The following MYT1L variants were observed in gnomAD, a reference collection of about 807,000 sequenced individuals.
MYT1L encodes the protein myelin transcription factor 1-like protein.
In MYT1L, 12 loss-of-function variants were observed where a neutral mutation model predicts 126.7. The observed-to-expected ratio is 0.09, with a 90% CI of 0.06 to 0.15. MYT1L has a LOEUF of 0.15. Ranked by LOEUF, MYT1L falls within the 10% of genes least tolerant of loss-of-function variation. The pLI is 1.00. For synonymous variants in MYT1L, 541 were observed against 604.2 expected (o/e 0.90, Z 1.53); for missense variants, 979 against 1,585.2 (o/e 0.62, Z 6.49).
intron 2 of MYT1L, among the ~76,000 whole-genome samples, chr2:2,187,600 G>T (rs2092304538): frequency 6.6e-6 from 1 of 151,832 alleles, no homozygotes; most frequent in East Asian, 2.0e-4. Context: ...ACACTCCAGG[G>T]AATTAAAAAA....
In MYT1L at chr2:2,073,340, C is replaced by A. The variant is rs17039299; in HGVS notation, c.-303-19217G>T. Among the ~76,000 whole-genome samples, 953 of 151,936 alleles carry A rather than the reference C, an allele frequency of 6.3e-3. 11 individuals are homozygous for A. The highest frequency in any genetic ancestry group is 0.022 in the African/African-American group (907 of 41,404). On this transcript the variant is annotated intron_variant, in intron 3 of 24. Transcript: ENST00000647738. ...CTCTCACTAGAAGAAGAAGGGCCAC[C>A]TAATTGCTCCCCAGCCTGCTGTATC... is the stretch of plus-strand genomic sequence containing the variant.
chr2:1,898,118 T>C (rs1422903592), intron 14 of MYT1L, among the ~76,000 whole-genome samples: 2 of 152,236 alleles, frequency 1.3e-5, no homozygotes, highest in Non-Finnish European at 2.9e-5. Context: ...TAAATGTACA[T>C]GCCTTGTTCT....
At chr2:2,114,708 G>A (rs1395652721) in intron 3 of MYT1L, among the ~76,000 whole-genome samples, 3 of 152,226 alleles carry the variant, frequency 2.0e-5, no homozygotes, top group Non-Finnish European at 4.4e-5. Flanking sequence ...ATGAGTGGAT[G>A]AATGAATCAA....
intron 4 of MYT1L, among the ~76,000 whole-genome samples, chr2:2,029,000 A>C: frequency 6.6e-6 from 1 of 152,150 alleles, no homozygotes; most frequent in Non-Finnish European, 1.5e-5. Flanking sequence ...CCGTACTATA[A>C]ATTAGGTACT....
At chr2:2,161,880 C>G (rs1188746000) in intron 3 of MYT1L, among the ~76,000 whole-genome samples, 1 of 152,146 alleles carries the variant, frequency 6.6e-6, no homozygotes, top group African/African-American at 2.4e-5. Flanking sequence ...AATGGAGCTC[C>G]AAGGAGAATG....
chr2:1,941,701 ATATC>A (rs58316357), intron 9 of MYT1L, among the ~76,000 whole-genome samples: 17,224 of 152,112 alleles, frequency 0.11, 1,098 homozygotes, highest in East Asian at 0.32. Context: ...GTGTATATAC[ATATC>A]TATCTATGTG....
At chr2:1,937,783 C>T (rs375539257) in intron 9 of MYT1L, among the ~76,000 whole-genome samples, 7 of 152,148 alleles carry the variant, frequency 4.6e-5, no homozygotes, top group Non-Finnish European at 8.8e-5. Flanking sequence ...GCCATCAGAT[C>T]GCACGTGGAG....
intron 4 of MYT1L, among the ~76,000 whole-genome samples, chr2:1,998,147 G>C (rs764722959): frequency 6.6e-6 from 1 of 152,188 alleles, no homozygotes; most frequent in Non-Finnish European, 1.5e-5. Context: ...GGGGAGCCTT[G>C]GGTGGTGGCA....
intron 4 of MYT1L, among the ~76,000 whole-genome samples, chr2:2,010,257 C>T (rs915251647): frequency 3.9e-5 from 6 of 152,144 alleles, no homozygotes; most frequent in Admixed American, 6.5e-5. Flanking sequence ...GATTAAGAAA[C>T]AACTTGTCCC....
intron 22 of MYT1L, among the ~76,000 whole-genome samples, chr2:1,802,217 G>A (rs1341829523): frequency 6.6e-6 from 1 of 152,178 alleles, no homozygotes; most frequent in East Asian, 1.9e-4. Flanking sequence ...CCCAGGCTTG[G>A]AGCCAGGCTC....
At chr2:2,311,775 C>T (rs1162921485) in intron 1 of MYT1L, among the ~76,000 whole-genome samples, 1 of 152,188 alleles carries the variant, frequency 6.6e-6, no homozygotes, top group African/African-American at 2.4e-5. Flanking sequence ...CGTTTTACCC[C>T]AAAACCTTGT....
rs190283095 is a variant in MYT1L at position 2,246,096 on chromosome 2, A to G, written c.-421+38308T>C. ...AATTTGTTGCAACTGCCAATAGGAAACTAATACAGGCTCGCTGACTGCCCT... is the reference window on the plus strand; with the variant it reads ...AATTTGTTGCAACTGCCAATAGGAAGCTAATACAGGCTCGCTGACTGCCCT... On this transcript the variant is annotated intron_variant, in intron 2 of 24. Transcript: ENST00000647738. 2.4e-3 allele frequency among the ~76,000 whole-genome samples: 361 copies of G among 152,340 alleles called. 1 individual carries two copies. The highest frequency in any genetic ancestry group is 8.5e-3 in the African/African-American group (354 of 41,584).
At chr2:2,145,642 GACACACAC>G (rs139332300) in intron 3 of MYT1L, among the ~76,000 whole-genome samples, 1 of 146,432 alleles carries the variant, frequency 6.8e-6, no homozygotes, top group Non-Finnish European at 1.5e-5. Context: ...ACACACACAA[GACACACAC>G]ACACACACAC....
chr2:2,235,486 C>G (rs1196552870), intron 2 of MYT1L, among the ~76,000 whole-genome samples: 2 of 152,148 alleles, frequency 1.3e-5, no homozygotes, highest in Non-Finnish European at 2.9e-5. Flanking sequence ...TTAGTGGGGT[C>G]CCTGTTAGCT....
At chr2:1,953,439 C>CT (rs1388432074) in intron 8 of MYT1L, among the ~76,000 whole-genome samples, 9 of 152,206 alleles carry the variant, frequency 5.9e-5, no homozygotes, top group African/African-American at 2.2e-4. Flanking sequence ...CCTACTGATC[C>CT]TTTAAGACCC....
At chr2:2,290,799 T>C (rs1241517108) in intron 1 of MYT1L, among the ~76,000 whole-genome samples, 1 of 152,162 alleles carries the variant, frequency 6.6e-6, no homozygotes, top group Non-Finnish European at 1.5e-5. Flanking sequence ...CAGGCATCAG[T>C]ATTTTTTTTA....
intron 18 of MYT1L, among the ~76,000 whole-genome samples, chr2:1,856,782 C>A (rs1253282500): frequency 6.6e-6 from 1 of 152,222 alleles, no homozygotes; most frequent in African/African-American, 2.4e-5. Flanking sequence ...GATAGGGCTG[C>A]CTCTAGTTAA....
chr2:2,101,871 C>T (rs566821792), intron 3 of MYT1L, among the ~76,000 whole-genome samples: 29 of 152,308 alleles, frequency 1.9e-4, no homozygotes, highest in African/African-American at 6.3e-4. Flanking sequence ...TGTAAAATGG[C>T]GGCTATTACT....
At chr2:2,322,734 C>G (rs937325496) in intron 1 of MYT1L, among the ~76,000 whole-genome samples, 2 of 152,068 alleles carry the variant, frequency 1.3e-5, no homozygotes, top group African/African-American at 4.8e-5. Flanking sequence ...TATTTTGCCC[C>G]AAGAAAGTTA....
Sources: gnomAD v4.1 joint callset for allele counts (sites outside exome capture counted in the v4.1 genomes callset) on GRCh38, gnomAD v4.1.1 for gene constraint, MANE v1.5 for transcripts, NCBI Gene and HGNC (gene_info 2026-07-23, HGNC 2026-07-21) for gene names.